Variants in ZNF704 observed in about 807,000 individuals in gnomAD.
The protein encoded by ZNF704 is glucocorticoid induced gene 1.
ZNF704 carries 10 observed loss-of-function variants against 44.7 expected under a neutral mutation model. That is an observed-to-expected ratio of 0.22 (90% CI 0.14 to 0.38). The LOEUF (loss-of-function observed/expected upper bound fraction) is 0.38. ZNF704 is among the 10% of genes least tolerant of loss of function. The probability of loss-of-function intolerance (pLI) is 1.00; values close to 1 mark genes in which losing one functional copy is unlikely to be tolerated. For missense variants in ZNF704, 390 were observed against 545.5 expected (o/e 0.71, Z 2.84); for synonymous variants, 211 against 207.6 (o/e 1.02, Z -0.14).
chr8:80,852,589 G>T (rs1808884008), intron 1 of ZNF704, among the ~76,000 whole-genome samples: 1 of 152,172 alleles, frequency 6.6e-6, no homozygotes, highest in South Asian at 2.1e-4. Flanking sequence ...GACTCCGAAT[G>T]TTATAATTTC....
At chr8:80,648,213 A>G (rs1295978366) in intron 7 of ZNF704, among the ~76,000 whole-genome samples, 1 of 152,108 alleles carries the variant, frequency 6.6e-6, no homozygotes, top group Admixed American at 6.5e-5. Context: ...CCAACACATG[A>G]ACTTTGGGGG....
chr8:80,777,881 CAAA>C (rs1310505808), intron 2 of ZNF704, among the ~76,000 whole-genome samples: 2 of 91,434 alleles, frequency 2.2e-5, no homozygotes, highest in Non-Finnish European at 5.1e-5. Flanking sequence ...TGCGACTCAA[CAAA>C]AAAAAAAAAA....
intron 4 of ZNF704, among the ~76,000 whole-genome samples, chr8:80,685,811 G>T (rs908496166): frequency 1.3e-5 from 2 of 152,226 alleles, no homozygotes; most frequent in Admixed American, 6.5e-5. Context: ...GATGCTGAGA[G>T]ATGCAGGGAG....
chr8:80,658,352 C>T (rs1818048403), intron 7 of ZNF704, among the ~76,000 whole-genome samples: 1 of 150,720 alleles, frequency 6.6e-6, no homozygotes, highest in African/African-American at 2.5e-5. Context: ...AAAAATGTAT[C>T]AAGAGCCACT....
At chr8:80,678,264 T>TG (rs1818400850) in intron 4 of ZNF704, among the ~76,000 whole-genome samples, 1 of 152,188 alleles carries the variant, frequency 6.6e-6, no homozygotes, top group South Asian at 2.1e-4. Flanking sequence ...TTACATATAG[T>TG]GGGAAGACTG....
At chr8:80,654,494 G>A (rs1307830026) in intron 7 of ZNF704, among the ~76,000 whole-genome samples, 2 of 152,050 alleles carry the variant, frequency 1.3e-5, no homozygotes, top group East Asian at 3.9e-4. Flanking sequence ...AAATTTACAA[G>A]AAAAAAACAA....
At chr8:80,690,020 T>G (rs1000091967) in intron 3 of ZNF704, among the ~76,000 whole-genome samples, 7 of 151,458 alleles carry the variant, frequency 4.6e-5, no homozygotes, top group African/African-American at 1.7e-4. Context: ...TTCCAAAAAC[T>G]CATTGATGTG....
chr8:80,872,907 G>A (rs577473353), intron 1 of ZNF704, among the ~76,000 whole-genome samples: 25 of 152,098 alleles, frequency 1.6e-4, no homozygotes, highest in African/African-American at 4.6e-4. Context: ...GCTAAATGAT[G>A]TCGAGTGGAA....
chr8:80,702,757 TGA>T (rs935101686), intron 2 of ZNF704, among the ~76,000 whole-genome samples: 1 of 152,054 alleles, frequency 6.6e-6, no homozygotes, highest in African/African-American at 2.4e-5. Flanking sequence ...AGAAAAATTC[TGA>T]GAGATGGCCG....
intron 1 of ZNF704, among the ~76,000 whole-genome samples, chr8:80,854,640 A>G (rs1349249858): frequency 6.6e-6 from 1 of 152,182 alleles, no homozygotes; most frequent in Non-Finnish European, 1.5e-5. Context: ...TTAGTTTAAA[A>G]TTCTACTCCC....
At chr8:80,666,273 G>A (rs989755987) in intron 5 of ZNF704, among the ~76,000 whole-genome samples, 1 of 150,550 alleles carries the variant, frequency 6.6e-6, no homozygotes, top group African/African-American at 2.4e-5. Flanking sequence ...TTTCATCCAT[G>A]TCCCTACAAA....
intron 1 of ZNF704, among the ~76,000 whole-genome samples, chr8:80,836,007 G>A (rs926483081): frequency 6.6e-6 from 1 of 152,048 alleles, no homozygotes; most frequent in Non-Finnish European, 1.5e-5. Flanking sequence ...CCTCCCCGGA[G>A]CCCTGTTTCC....
chr8:80,683,848 C>T (rs1818492569), intron 4 of ZNF704, among the ~76,000 whole-genome samples: 2 of 152,296 alleles, frequency 1.3e-5, no homozygotes, highest in African/African-American at 4.8e-5. Context: ...ATAAGTGGAA[C>T]ATGGATCTCC....
At chr8:80,695,745 C>A (rs143901834) in intron 2 of ZNF704, among the ~76,000 whole-genome samples, 1 of 152,090 alleles carries the variant, frequency 6.6e-6, no homozygotes, top group East Asian at 1.9e-4. Context: ...TTTTGCATTG[C>A]GAAAATCTAC....
chr8:80,718,613 A>G (rs1819111759), intron 2 of ZNF704, among the ~76,000 whole-genome samples: 1 of 152,130 alleles, frequency 6.6e-6, no homozygotes, highest in Non-Finnish European at 1.5e-5. Flanking sequence ...TGGCTTGCTG[A>G]TCCAAGGCAG....
intron 1 of ZNF704, among the ~76,000 whole-genome samples, chr8:80,871,635 G>A (rs1387728120): frequency 2.0e-5 from 3 of 152,314 alleles, no homozygotes; most frequent in African/African-American, 7.2e-5. Context: ...GGTGTCCACT[G>A]CTATGTTCTA....
intron 2 of ZNF704, among the ~76,000 whole-genome samples, chr8:80,765,103 ACT>A (rs1322363334): frequency 6.6e-6 from 1 of 152,088 alleles, no homozygotes; most frequent in Non-Finnish European, 1.5e-5. Flanking sequence ...TAATGGTATA[ACT>A]CTCAGTTTTA....
intron 2 of ZNF704, among the ~76,000 whole-genome samples, chr8:80,702,688 A>G (rs1585966319): frequency 6.6e-6 from 1 of 152,268 alleles, no homozygotes; most frequent in East Asian, 1.9e-4. Context: ...CGAAGGCGAG[A>G]TGGAAGACCA....
chr8:80,663,523 C>A (rs1818135145), intron 6 of ZNF704, among the ~76,000 whole-genome samples: 1 of 152,032 alleles, frequency 6.6e-6, no homozygotes, highest in South Asian at 2.1e-4. Context: ...TGGTGGGGGG[C>A]ACAGAGGAGG....
Sources: gnomAD v4.1 joint callset for allele counts (sites outside exome capture counted in the v4.1 genomes callset) on GRCh38, gnomAD v4.1.1 for gene constraint, MANE v1.5 for transcripts, NCBI Gene and HGNC (gene_info 2026-07-23, HGNC 2026-07-21) for gene names.